EBF3: variants seen among roughly 807,000 people sequenced by gnomAD.
The protein encoded by EBF3 is transcription factor COE3.
EBF3 carries 18 observed loss-of-function variants against 77.1 expected under a neutral mutation model. The observed-to-expected ratio is 0.23, with a 90% confidence interval of 0.16 to 0.35. The LOEUF (loss-of-function observed/expected upper bound fraction) is 0.35, where lower values mean the gene tolerates loss of function less well. Ranked by LOEUF, EBF3 falls within the 10% of genes least tolerant of loss-of-function variation. The probability of loss-of-function intolerance (pLI) is 1.00; values close to 1 mark genes in which losing one functional copy is unlikely to be tolerated. For synonymous variants in EBF3, 350 were observed against 343.5 expected, an observed-to-expected ratio of 1.02 and a Z score of -0.21; for missense variants, 558 against 860.0, an observed-to-expected ratio of 0.65 and a Z score of 4.39.
At chr10:129,948,090 C>G (rs1188244032) in intron 6 of EBF3, among the ~76,000 whole-genome samples, 2 of 151,812 alleles carry the variant, frequency 1.3e-5, no homozygotes, top group Non-Finnish European at 2.9e-5. Flanking sequence ...AACCCCGTCT[C>G]TACTACAAAT....
At chr10:129,955,423 C>T (rs1858964960) in intron 6 of EBF3, among the ~76,000 whole-genome samples, 1 of 152,142 alleles carries the variant, frequency 6.6e-6, no homozygotes, top group South Asian at 2.1e-4. Context: ...AATGTTTTTA[C>T]GTTTTTCCCC....
At chr10:129,868,172 G>A (rs1026420783) in intron 8 of EBF3, among the ~76,000 whole-genome samples, 7 of 152,266 alleles carry the variant, frequency 4.6e-5, no homozygotes, top group Non-Finnish European at 8.8e-5. Context: ...ATGTGTCAGC[G>A]CAAATATGAC....
At chr10:129,875,187 C>CTTCTTTTTTTTTTTTTTTTTTTTTTTTT (rs1852672323) in intron 7 of EBF3, among the ~76,000 whole-genome samples, 6 of 92,932 alleles carry the variant, frequency 6.5e-5, no homozygotes, top group African/African-American at 2.1e-4. Flanking sequence ...ATGGCTTCTT[C>CTTCTTTTTTTTTTTTTTTTTTTTTTTTT]TTTTTTTTTT....
intron 7 of EBF3, among the ~76,000 whole-genome samples, chr10:129,877,481 CAAAAAAAA>C (rs10541156): frequency 2.6e-4 from 20 of 77,254 alleles, no homozygotes; most frequent in African/African-American, 9.5e-4. Context: ...ACTCTGTCTC[CAAAAAAAA>C]AAAAAAAAAA....
intron 6 of EBF3, among the ~76,000 whole-genome samples, chr10:129,907,512 C>A (rs1282150422): frequency 6.6e-6 from 1 of 152,162 alleles, no homozygotes; most frequent in Non-Finnish European, 1.5e-5. Context: ...GATCCTTTCC[C>A]AGAGCTGCCT....
intron 10 of EBF3, among the ~76,000 whole-genome samples, chr10:129,851,781 T>G (rs1218287691): frequency 1.3e-5 from 2 of 152,218 alleles, no homozygotes; most frequent in African/African-American, 2.4e-5. Context: ...TCAAAAGTCA[T>G]AAAACAAATC....
At chr10:129,925,148 G>T (rs1489593702) in intron 6 of EBF3, among the ~76,000 whole-genome samples, 1 of 152,060 alleles carries the variant, frequency 6.6e-6, no homozygotes, top group Non-Finnish European at 1.5e-5. Flanking sequence ...TTTTGCCATT[G>T]AAAGTAATGG....
At chr10:129,961,131 G>T (rs1309463777) in intron 4 of EBF3, among the ~76,000 whole-genome samples, 1 of 152,254 alleles carries the variant, frequency 6.6e-6, no homozygotes, top group Non-Finnish European at 1.5e-5. Context: ...GGAGGCATAT[G>T]TGCTGGGCTG....
rs576520922 is a variant in EBF3, at chr10:129,912,337, C to T, written c.555-34488G>A. ...CAGGCGCTTCACAGCTTTTTAAGGCCTTAATGCAAACCATATGCAGAGCTG... is the reference window on the plus strand; with the variant it reads ...CAGGCGCTTCACAGCTTTTTAAGGCTTTAATGCAAACCATATGCAGAGCTG... On this transcript the variant is annotated intron_variant, in intron 6 of 16. Coordinates refer to ENST00000440978, the MANE Select transcript of EBF3 (RefSeq NM_001375380.1). Among the ~76,000 whole-genome samples the T allele has an allele frequency of 2.7e-4, 41 of 152,284 alleles. No homozygotes were observed. The East Asian group carries it at 6.4e-3, about 24-fold the overall frequency.
intron 6 of EBF3, among the ~76,000 whole-genome samples, chr10:129,881,920 G>C (rs1237234559): frequency 6.6e-6 from 1 of 152,210 alleles, no homozygotes; most frequent in Non-Finnish European, 1.5e-5. Context: ...TTTGGTCTTG[G>C]TTGTGTTTGT....
intron 4 of EBF3, 98 bp from the exon 5 acceptor site, chr10:129,959,105 C>A (rs965140314): frequency 1.4e-6 from 2 of 1,467,664 alleles, no homozygotes; most frequent in African/African-American, 2.9e-5. Flanking sequence ...AGCAGGTGCA[C>A]CACGCTCGAG....
intron 6 of EBF3, among the ~76,000 whole-genome samples, chr10:129,891,467 T>C (rs1438721163): frequency 1.3e-5 from 2 of 152,228 alleles, no homozygotes; most frequent in African/African-American, 2.4e-5. Flanking sequence ...CCTGATACCA[T>C]TCATTTGTTT....
intron 6 of EBF3, among the ~76,000 whole-genome samples, chr10:129,906,221 G>A (rs1429248571): frequency 1.3e-5 from 2 of 152,196 alleles, no homozygotes; most frequent in Non-Finnish European, 2.9e-5. Context: ...AGCTCTGGAA[G>A]AATAAATTTG....
At chr10:129,960,334 C>G (rs915722102) in intron 4 of EBF3, among the ~76,000 whole-genome samples, 2 of 152,106 alleles carry the variant, frequency 1.3e-5, no homozygotes, top group African/African-American at 4.8e-5. Flanking sequence ...AAGCCCGGGG[C>G]TGCCCTCCTG....
chr10:129,951,101 C>T (rs1191608131), intron 6 of EBF3, among the ~76,000 whole-genome samples: 4 of 152,158 alleles, frequency 2.6e-5, no homozygotes, highest in South Asian at 2.1e-4. Context: ...CAAAGATCAC[C>T]GTCCTCCTGG....
chr10:129,859,404 T>A (rs1420720607), intron 10 of EBF3, among the ~76,000 whole-genome samples: 4 of 152,090 alleles, frequency 2.6e-5, no homozygotes, highest in Non-Finnish European at 5.9e-5. Flanking sequence ...TTTGTATTTT[T>A]AGTAGAGACA....
Position 129,837,833 on chromosome 10 carries a change from A to AGAT in EBF3, c.*107_*109dup. 1 of 1,422,316 alleles carries AGAT rather than the reference A, an allele frequency of 7.0e-7. No homozygotes were observed. Among genetic ancestry groups the AGAT allele is most frequent in the East Asian group, 2.3e-5 (1 of 42,974 alleles). The allele number at this position is 1,422,316 out of a possible 1,614,324, so 88.1% of individuals were successfully genotyped here. A position where few individuals can be genotyped will look rare whatever the true frequency, so the allele number is the denominator to read the frequency against. ...TTTCAATTGCTGCTGATTTTTTTGA[A>AGAT]GATACTGTTTCCATCAGCATGTCTT... is the stretch of plus-strand genomic sequence containing the variant. On this transcript the variant is annotated 3_prime_UTR_variant, in exon 17 of 17. Transcript: ENST00000440978.
intron 6 of EBF3, among the ~76,000 whole-genome samples, chr10:129,889,946 CTTT>C (rs10665456): frequency 3.3e-3 from 272 of 82,822 alleles, no homozygotes; most frequent in South Asian, 0.011. Context: ...ATTGAAGTGC[CTTT>C]TTTTTTTTTT....
At position 129,880,462 on chromosome 10, in the gene EBF3, C is replaced by A. The variant is rs578077187; in HGVS notation, c.555-2613G>T. ...ACGCGCATACACATACACATGCAGACACATGCACACATACGCACATACATA... is the reference window on the plus strand; with the variant it reads ...ACGCGCATACACATACACATGCAGAAACATGCACACATACGCACATACATA... On this transcript the variant is annotated intron_variant, in intron 6 of 16. Coordinates refer to ENST00000440978, the MANE Select transcript of EBF3 (RefSeq NM_001375380.1). 1.8e-4 allele frequency among the ~76,000 whole-genome samples: 28 copies of A among 152,242 alleles called. 1 individual carries two copies. Among genetic ancestry groups the A allele is most frequent in the African/African-American group, 6.7e-4 (28 of 41,554 alleles).
Sources: allele counts gnomAD v4.1 joint callset (sites outside exome capture counted in the v4.1 genomes callset), GRCh38; gene constraint gnomAD v4.1.1; transcripts MANE v1.5; gene names NCBI Gene and HGNC (gene_info 2026-07-23, HGNC 2026-07-21).